ZNF512: variants seen among roughly 807,000 people sequenced by gnomAD.
The protein encoded by ZNF512 is zinc finger protein 512.
A neutral mutation model predicts 77.5 loss-of-function variants in ZNF512; 25 were observed. The observed-to-expected ratio is 0.32, with a 90% CI of 0.23 to 0.45. The LOEUF is 0.45. Ranked by LOEUF, ZNF512 falls within the 20% of genes least tolerant of loss-of-function variation. The pLI, the probability that ZNF512 is intolerant of heterozygous loss-of-function variation, is 1.00. For synonymous variants in ZNF512, 246 were observed against 239.9 expected (o/e 1.03, Z -0.24); for missense variants, 483 against 692.6 (o/e 0.70, Z 3.40).
At chr2:27,590,356 A>T (rs78647285) in intron 2 of ZNF512, among the ~76,000 whole-genome samples, 4,097 of 152,278 alleles carry the variant, frequency 0.027, 178 homozygotes, top group African/African-American at 0.094. Context: ...TTTATCTGAT[A>T]TTAAAATAGT....
In ZNF512 at chr2:27,616,294, C is replaced by A; in HGVS notation, c.1266C>A (p.Gly422=). 1 of 1,614,014 alleles carries A rather than the reference C, an allele frequency of 6.2e-7. No homozygotes were observed. Among genetic ancestry groups the A allele is most frequent in the Admixed American group, 1.7e-5 (1 of 60,016 alleles). Reference sequence around the variant, plus strand: ...AGGCTGTCTACAGCAGTGTATCTGGCCTTAAAGCTCACCTGGGCTCTTGTA... The same window carrying A: ...AGGCTGTCTACAGCAGTGTATCTGGACTTAAAGCTCACCTGGGCTCTTGTA... ...GCEAVYSSVS[G]LKAHLGSCTL... is the part of the protein sequence containing the mutation. Residue 422 remains glycine, a synonymous_variant, in exon 12 of 14, where the codon GGC becomes GGA. Coordinates refer to ENST00000355467, the MANE Select transcript of ZNF512 (RefSeq NM_032434.4).
At position 27,622,951 on chromosome 2, in the gene ZNF512, A is replaced by G. The variant is rs1241953244; in HGVS notation, c.*1490A>G. On this transcript the variant is annotated 3_prime_UTR_variant, in exon 14 of 14. Coordinates refer to ENST00000355467, the MANE Select transcript of ZNF512 (RefSeq NM_032434.4). ...TAAGGACATGGTATATGCACTCTGC[A>G]TTTTCATTGGCAGTGTGCCCTTAAA... The G allele has an allele frequency of 6.5e-6, 1 of 152,786 alleles. No homozygotes were observed. Among genetic ancestry groups the G allele is most frequent in the East Asian group, 1.9e-4 (1 of 5,332 alleles). 9.5% of individuals were successfully genotyped at this position (152,786 alleles called of 1,614,324 possible). A position where few individuals can be genotyped will look rare whatever the true frequency, so the allele number is the denominator to read the frequency against.
chr2:27,617,612 C>G (rs1672939876), intron 13 of ZNF512, 41 bp downstream of exon 13: 1 of 804,262 alleles, frequency 1.2e-6, no homozygotes, highest in Non-Finnish European at 2.3e-6. Context: ...ATGTAAGCCA[C>G]AAGAGAGGTA....
intron 2 of ZNF512, among the ~76,000 whole-genome samples, chr2:27,595,107 C>T (rs1330726481): frequency 2.0e-5 from 3 of 152,122 alleles, no homozygotes; most frequent in Non-Finnish European, 2.9e-5. Context: ...CCAGCCTTGG[C>T]AACAGAGGGA....
chr2:27,597,476 T>G (rs1671924927), intron 2 of ZNF512, among the ~76,000 whole-genome samples: 2 of 152,188 alleles, frequency 1.3e-5, no homozygotes, highest in Admixed American at 1.3e-4. Context: ...GGTCTTAGAT[T>G]TTGGAATCTG....
At chr2:27,599,231 C>T (rs758306784) in intron 3 of ZNF512, among the ~76,000 whole-genome samples, 2 of 152,124 alleles carry the variant, frequency 1.3e-5, no homozygotes, top group East Asian at 1.9e-4. Flanking sequence ...TATTCTGGAT[C>T]GTCACAATCT....
intron 13 of ZNF512, among the ~76,000 whole-genome samples, chr2:27,620,390 C>T (rs987672205): frequency 2.0e-5 from 3 of 152,144 alleles, no homozygotes; most frequent in Non-Finnish European, 4.4e-5. Flanking sequence ...TTGAAGAAAC[C>T]GGATCACTTG....
At chr2:27,585,218 C>A (rs1437688721) in intron 2 of ZNF512, among the ~76,000 whole-genome samples, 2 of 152,138 alleles carry the variant, frequency 1.3e-5, no homozygotes, top group African/African-American at 2.4e-5. Context: ...TGAGGAGCAA[C>A]ATTTGGAACA....
chr2:27,610,353 G>A, intron 10 of ZNF512, among the ~76,000 whole-genome samples: 1 of 142,230 alleles, frequency 7.0e-6, no homozygotes. Flanking sequence ...GACAGAGCAA[G>A]ACTCCGTATC....
rs756496529 is a variant in ZNF512, at chr2:27,583,077, C to T, written c.-36C>T. 6.8e-6 allele frequency: 11 copies of T among 1,613,970 alleles called. No individual in the cohort carries two copies. Among genetic ancestry groups the T allele is most frequent in the African/African-American group, 1.3e-5 (1 of 75,024 alleles). On this transcript the variant is annotated 5_prime_UTR_variant, in exon 1 of 14. Coordinates refer to ENST00000355467, the MANE Select transcript of ZNF512 (RefSeq NM_032434.4). ...GGAAGTGGCGTTGGTCTGGCCGGAG[C>T]CCTTGGGTGAAATTGTTAGGCGTGG... is the stretch of plus-strand genomic sequence containing the variant.
rs1217645412 is a variant in ZNF512 at position 27,598,219 on chromosome 2, G to C, written c.242G>C (p.Arg81Thr). 6.2e-7 allele frequency: 1 copy of C among 1,613,734 alleles called. No homozygotes were observed. ...FRKSTYWMKM[R>T]RIKPAATSHV... ...AAATCTACCTACTGGATGAAGATGA[G>C]AAGAATCAAGCCAGCTGCTACTTCT... Residue 81 changes from arginine to threonine, a missense_variant, in exon 3 of 14, where the codon AGA (arginine) becomes ACA (threonine). Physicochemically the swap from Arg to Thr is moderately conservative, Grantham distance 71. Around this residue, in one of 2 missense-constraint regions of ZNF512, gnomAD observed 159 missense variants for 167.5 expected, o/e 0.95. Coordinates refer to ENST00000355467, the MANE Select transcript of ZNF512 (RefSeq NM_032434.4).
chr2:27,598,327 C>T (rs1671963037), intron 3 of ZNF512, 73 bp downstream of exon 3: 2 of 1,472,264 alleles, frequency 1.4e-6, no homozygotes, highest in Non-Finnish European at 1.9e-6. Context: ...TTATAAATAC[C>T]TCTTAAAAGT....
chr2:27,600,665 A>G (rs1276365041), intron 5 of ZNF512, 26 bp from the exon 6 acceptor site: 4 of 1,605,762 alleles, frequency 2.5e-6, no homozygotes, highest in Non-Finnish European at 3.4e-6. Context: ...TGCAGATTAC[A>G]AAGTGTTTCT....
intron 2 of ZNF512, among the ~76,000 whole-genome samples, chr2:27,595,449 C>G (rs747587123): frequency 6.6e-6 from 1 of 151,924 alleles, no homozygotes; most frequent in African/African-American, 2.4e-5. Context: ...CTCAGCCTGC[C>G]GAGTAGCTGA....
chr2:27,597,794 A>G (rs1007066063), intron 2 of ZNF512, among the ~76,000 whole-genome samples: 1 of 152,184 alleles, frequency 6.6e-6, no homozygotes. Context: ...ACTTTCTTTT[A>G]TTAGATGAAT....
chr2:27,598,496 G>T (rs1052714158), intron 3 of ZNF512, among the ~76,000 whole-genome samples: 1 of 152,092 alleles, frequency 6.6e-6, no homozygotes, highest in African/African-American at 2.4e-5. Context: ...GGGCCTGGTG[G>T]TGGGCGCCTG....
chr2:27,598,354 G>T, intron 3 of ZNF512, 100 bp downstream of exon 3: 1 of 1,297,272 alleles, frequency 7.7e-7, no homozygotes, highest in Non-Finnish European at 1.1e-6. Context: ...TGGCGGCTGA[G>T]CGTGGTGGCT....
At chr2:27,583,433 G>T in intron 1 of ZNF512, 1 of 1,445,564 alleles carries the variant, frequency 6.9e-7, no homozygotes, top group Non-Finnish European at 9.0e-7. Flanking sequence ...TAGAGCCTGG[G>T]ACAGGGCTTT....
intron 2 of ZNF512, among the ~76,000 whole-genome samples, chr2:27,597,359 A>C (rs998764394): frequency 6.6e-6 from 1 of 152,340 alleles, no homozygotes; most frequent in Non-Finnish European, 1.5e-5. Context: ...CTAGGAGTCC[A>C]TTGACCACTC....
Sources: allele counts gnomAD v4.1 joint callset (sites outside exome capture counted in the v4.1 genomes callset), GRCh38; gene constraint gnomAD v4.1.1; regional missense constraint gnomAD v4.1.1; transcripts MANE v1.5; gene names NCBI Gene and HGNC (gene_info 2026-07-23, HGNC 2026-07-21).